Variants in TMPRSS3 observed in about 807,000 individuals in gnomAD.
TMPRSS3 encodes transmembrane serine protease 3.
A neutral mutation model predicts 59.6 loss-of-function variants in TMPRSS3; 55 were observed. The ratio of observed to expected loss-of-function variants is 0.92; its 90% CI spans 0.74 to 1.16. TMPRSS3 has a LOEUF of 1.16. Ranked by LOEUF, TMPRSS3 falls within the 50% of genes most tolerant of loss-of-function variation. TMPRSS3 has a pLI of 0.00. For missense variants in TMPRSS3, 596 were observed against 579.4 expected, an observed-to-expected ratio of 1.03 and a Z score of -0.29; for synonymous variants, 257 against 237.7, an observed-to-expected ratio of 1.08 and a Z score of -0.75.
chr21:42,372,320 G>A lies in TMPRSS3; in HGVS notation c.*442C>T, dbSNP rs772690986. 8 of 455,530 alleles carry A rather than the reference G, an allele frequency of 1.8e-5. No homozygotes were observed. The highest frequency in any genetic ancestry group is 3.5e-5 in the Non-Finnish European group (8 of 227,806). 28.2% of individuals were successfully genotyped at this position (455,530 alleles called of 1,614,324 possible). A position where few individuals can be genotyped will look rare whatever the true frequency, so the allele number is the denominator to read the frequency against. ...CATGCCTGTAATCCCAGCACTGTGGGAGGCTGAAGCAGGCACATCATTTGA... is the reference window on the plus strand; with the variant it reads ...CATGCCTGTAATCCCAGCACTGTGGAAGGCTGAAGCAGGCACATCATTTGA... On this transcript the variant is annotated 3_prime_UTR_variant, in exon 13 of 13. Coordinates refer to ENST00000644384, the MANE Select transcript of TMPRSS3 (RefSeq NM_001256317.3).
At position 42,389,931 on chromosome 21, in the gene TMPRSS3, C is replaced by T; in HGVS notation, c.201G>A (p.Leu67=). The T allele has an allele frequency of 6.2e-7, 1 of 1,611,544 alleles. No individual in the cohort carries two copies. Among genetic ancestry groups the T allele is most frequent in the Non-Finnish European group, 8.5e-7 (1 of 1,177,656 alleles). Residue 67 remains leucine, a synonymous_variant, in exon 3 of 13, where the codon CTG becomes CTA. Coordinates refer to ENST00000644384, the MANE Select transcript of TMPRSS3 (RefSeq NM_001256317.3). ...IALILALAIG[L]GIHFDCSGKY... The stretch of plus-strand genomic sequence containing the variant: ...TAAATAATGAATTGTACTCACTGCC[C>T]AGACCAATGGCCAGTGCTAATATCA...
At chr21:42,375,943 C>A (rs893821849) in intron 11 of TMPRSS3, 75 bp from the exon 12 acceptor site, 19 of 1,588,112 alleles carry the variant, frequency 1.2e-5, no homozygotes, top group Non-Finnish European at 1.5e-5. Flanking sequence ...GACAGTCTGC[C>A]GTGTGAGGCT....
rs1372194487 is a variant in TMPRSS3, at chr21:42,388,362, T to C, written c.446+41A>G. 1.2e-6 allele frequency: 2 copies of C among 1,613,992 alleles called. No homozygotes were observed. The highest frequency in any genetic ancestry group is 1.3e-5 in the African/African-American group (1 of 74,946). ...GTTGTCTTTCTTTATTGTTATCCTCTCTGTGTTTTGCCCATGGGTTGGAAA... is the reference window on the plus strand; with the variant it reads ...GTTGTCTTTCTTTATTGTTATCCTCCCTGTGTTTTGCCCATGGGTTGGAAA... On this transcript the variant is annotated intron_variant, in intron 5 of 12. Coordinates refer to ENST00000644384, the MANE Select transcript of TMPRSS3 (RefSeq NM_001256317.3). The surrounding 1 kb of genome is among the most constrained non-coding windows in gnomAD (Gnocchi z 5.1).
At chr21:42,386,473 C>T (rs375189047) in intron 5 of TMPRSS3, among the ~76,000 whole-genome samples, 5 of 152,320 alleles carry the variant, frequency 3.3e-5, no homozygotes, top group East Asian at 1.9e-4. Context: ...TGGCTTGGCC[C>T]CAGTGCAGGT....
intron 2 of TMPRSS3, among the ~76,000 whole-genome samples, chr21:42,393,703 AC>A (rs2052762876): frequency 6.6e-6 from 1 of 152,200 alleles, no homozygotes. Context: ...TAAATACAGC[AC>A]TTAAACTTTA....
At chr21:42,393,304 A>T (rs1462774333) in intron 2 of TMPRSS3, among the ~76,000 whole-genome samples, 2 of 152,246 alleles carry the variant, frequency 1.3e-5, no homozygotes, top group Non-Finnish European at 2.9e-5. Context: ...TGCAAATGAG[A>T]CATAACTACA....
chr21:42,392,191 C>T (rs1230219414), intron 2 of TMPRSS3, among the ~76,000 whole-genome samples: 1 of 152,192 alleles, frequency 6.6e-6, no homozygotes, highest in Non-Finnish European at 1.5e-5. Flanking sequence ...AGATCTTTCC[C>T]TGCCTGACCG....
At chr21:42,374,720 G>A (rs578069662) in intron 12 of TMPRSS3, among the ~76,000 whole-genome samples, 13 of 152,094 alleles carry the variant, frequency 8.5e-5, no homozygotes, top group Non-Finnish European at 1.3e-4. Context: ...CTTTAAAATG[G>A]TGAATTGTAT....
chr21:42,389,812 C>G, intron 3 of TMPRSS3, 115 bp downstream of exon 3: 1 of 817,220 alleles, frequency 1.2e-6, no homozygotes, highest in Non-Finnish European at 2.1e-6. Context: ...GGATGTTTGC[C>G]TCCAGTAATT....
At position 42,393,759 on chromosome 21, in the gene TMPRSS3, C is replaced by T. The variant is rs769406095; in HGVS notation, c.94+1565G>A. The stretch of plus-strand genomic sequence containing the variant: ...TAACGACCCCACTCTGCTGTTATGG[C>T]GTGAAAGCAGCCACAGACAGTATGT... On this transcript the variant is annotated intron_variant, in intron 2 of 12. Transcript: ENST00000644384. Among the ~76,000 whole-genome samples, 23 of 152,280 alleles carry T rather than the reference C, an allele frequency of 1.5e-4. No homozygotes were observed. The East Asian group carries it at 1.5e-3, about 10-fold the overall frequency.
At chr21:42,383,941 C>CT in intron 7 of TMPRSS3, 29 bp downstream of exon 7, 2 of 1,613,748 alleles carry the variant, frequency 1.2e-6, no homozygotes, top group Non-Finnish European at 1.7e-6. Flanking sequence ...CTTGCTCCCC[C>CT]TGGACCCCTG....
At chr21:42,380,984 C>CA (rs1477512892) in intron 9 of TMPRSS3, among the ~76,000 whole-genome samples, 2 of 152,218 alleles carry the variant, frequency 1.3e-5, no homozygotes, top group African/African-American at 4.8e-5. Flanking sequence ...CCACCATAAT[C>CA]ATTTTCCTGC....
At chr21:42,382,029 G>C (rs1188137515) in intron 9 of TMPRSS3, 36 bp downstream of exon 9, 2 of 1,614,108 alleles carry the variant, frequency 1.2e-6, no homozygotes, top group East Asian at 2.2e-5. Context: ...TGAAACAAAG[G>C]AAGAGCTGCA....
intron 11 of TMPRSS3, 38 bp downstream of exon 11, chr21:42,376,503 A>G (rs1170219137): frequency 1.9e-6 from 3 of 1,610,986 alleles, no homozygotes; most frequent in South Asian, 1.1e-5. Flanking sequence ...GGGCTGGGTC[A>G]CCCTGCCACG....
chr21:42,390,173 G>A (rs2052712116), intron 2 of TMPRSS3, 136 bp from the exon 3 acceptor site: 3 of 731,282 alleles, frequency 4.1e-6, no homozygotes, highest in Admixed American at 2.0e-5. Flanking sequence ...GCCTTAATTA[G>A]GGAAAGGGCC....
intron 2 of TMPRSS3, chr21:42,390,498 C>T (rs1026339354): frequency 1.5e-5 from 3 of 197,188 alleles, no homozygotes; most frequent in East Asian, 1.2e-4. Context: ...GAAGCCAAAG[C>T]GGGTGGATCA....
Position 42,385,491 on chromosome 21 carries a change from G to A in TMPRSS3, c.490C>T (p.Gln164Ter). The A allele has an allele frequency of 6.2e-7, 1 of 1,614,140 alleles. No individual in the cohort carries two copies. Among genetic ancestry groups the A allele is most frequent in the Non-Finnish European group, 8.5e-7 (1 of 1,180,020 alleles). ...DNLRVSSLEGQFREEFVSIDH... is the reference protein window; with the variant it reads ...DNLRVSSLEG ...ATGGACACAAACTCCTCCCGGAACTGCCCCTCCAGCGAGCTCACTCTGAGG... is the reference window on the plus strand; with the variant it reads ...ATGGACACAAACTCCTCCCGGAACTACCCCTCCAGCGAGCTCACTCTGAGG... The change falls in exon 6 of 13, where the codon CAG becomes TAG. Residue 164 changes from glutamine to a stop codon, truncating the protein, a stop_gained. Coordinates refer to ENST00000644384, the MANE Select transcript of TMPRSS3 (RefSeq NM_001256317.3). LOFTEE classifies it high-confidence loss of function.
chr21:42,376,813 CG>C lies in TMPRSS3; in HGVS notation c.1049-131del, dbSNP rs147140159. 3.6e-3 allele frequency: 4,980 copies of C among 1,399,080 alleles called. 103 individuals are homozygous for C. The African/African-American group carries it at 0.054, about 15-fold the overall frequency. 86.7% of individuals were successfully genotyped at this position (1,399,080 alleles called of 1,614,324 possible). A position where few individuals can be genotyped will look rare whatever the true frequency, so the allele number is the denominator to read the frequency against. ...GATGCTCTCTGGTGTGTCGCAACAG[CG>C]GAAAAGGACAGGGCCCTGCGGGTGG... On this transcript the variant is annotated intron_variant, in intron 10 of 12. Coordinates refer to ENST00000644384, the MANE Select transcript of TMPRSS3 (RefSeq NM_001256317.3).
intron 12 of TMPRSS3, among the ~76,000 whole-genome samples, chr21:42,375,238 C>A (rs1185327148): frequency 1.8e-4 from 27 of 146,766 alleles, no homozygotes; most frequent in Non-Finnish European, 3.5e-4. Context: ...CCCACCCCCC[C>A]ACACCACCAA....
Sources: allele counts gnomAD v4.1 joint callset (sites outside exome capture counted in the v4.1 genomes callset), GRCh38; gene constraint gnomAD v4.1.1; non-coding constraint Gnocchi (gnomAD v3.1); transcripts MANE v1.5; gene names NCBI Gene and HGNC (gene_info 2026-07-23, HGNC 2026-07-21).